The following ARHGAP28 variants were observed in gnomAD, a reference collection of about 807,000 sequenced individuals.
ARHGAP28 encodes Rho GTPase activating protein 28, also known as rho GTPase-activating protein 28.
In ARHGAP28, 56 loss-of-function variants were observed where a neutral mutation model predicts 90.7. The observed-to-expected ratio is 0.62, with a 90% CI of 0.50 to 0.77. ARHGAP28 has a LOEUF of 0.77. Ranked by LOEUF, ARHGAP28 falls within the 30% of genes least tolerant of loss-of-function variation. The pLI is 0.00. For synonymous variants in ARHGAP28, 308 were observed against 323.3 expected (o/e 0.95, Z 0.51); for missense variants, 869 against 900.9 (o/e 0.96, Z 0.45).
chr18:6,801,549 T>A (rs1211205955), intron 1 of ARHGAP28, among the ~76,000 whole-genome samples: 3 of 152,160 alleles, frequency 2.0e-5, no homozygotes, highest in Non-Finnish European at 4.4e-5. Flanking sequence ...CTGCTAGGAT[T>A]TTGGTAGGGA....
intron 4 of ARHGAP28, among the ~76,000 whole-genome samples, chr18:6,852,607 G>C (rs1056921997): frequency 6.6e-6 from 1 of 152,038 alleles, no homozygotes; most frequent in African/African-American, 2.4e-5. Flanking sequence ...ACCAAGGCTT[G>C]TACAACTGCA....
chr18:6,866,701 A>G (rs2057040691), intron 5 of ARHGAP28, among the ~76,000 whole-genome samples: 1 of 152,232 alleles, frequency 6.6e-6, no homozygotes, highest in Non-Finnish European at 1.5e-5. Flanking sequence ...TTCCCCCAAG[A>G]AAGTCCCATA....
chr18:6,894,737 C>A, intron 14 of ARHGAP28, 98 bp from the exon 15 acceptor site: 1 of 952,120 alleles, frequency 1.1e-6, no homozygotes, highest in Non-Finnish European at 1.6e-6. Flanking sequence ...ATAAATATTG[C>A]CAAAATGTTC....
At chr18:6,746,567 C>T (rs1032080229) in intron 1 of ARHGAP28, among the ~76,000 whole-genome samples, 2 of 152,142 alleles carry the variant, frequency 1.3e-5, no homozygotes, top group African/African-American at 2.4e-5. Flanking sequence ...ATTAGTTTTC[C>T]AGAATACAGA....
intron 3 of ARHGAP28, among the ~76,000 whole-genome samples, chr18:6,847,916 G>C (rs1372258678): frequency 6.6e-6 from 1 of 152,120 alleles, no homozygotes; most frequent in African/African-American, 2.4e-5. Flanking sequence ...GCAAGCTTCC[G>C]AGAGTCCTCT....
At chr18:6,752,598 A>G (rs898385007) in intron 1 of ARHGAP28, among the ~76,000 whole-genome samples, 26 of 152,308 alleles carry the variant, frequency 1.7e-4, no homozygotes, top group Non-Finnish European at 1.2e-4. Context: ...CAGCAAAACC[A>G]CGAAGTGCTA....
intron 1 of ARHGAP28, among the ~76,000 whole-genome samples, chr18:6,747,944 G>C (rs1416831523): frequency 6.6e-6 from 1 of 152,164 alleles, no homozygotes; most frequent in Non-Finnish European, 1.5e-5. Context: ...GAGGGGGAAG[G>C]CTTTAACTCG....
At chr18:6,825,129 A>G (rs891854704) in intron 2 of ARHGAP28, among the ~76,000 whole-genome samples, 165 bp downstream of exon 2, 1 of 152,144 alleles carries the variant, frequency 6.6e-6, no homozygotes, top group African/African-American at 2.4e-5. Flanking sequence ...TATCTACTGT[A>G]CTGGCTCAGG....
rs1448021636 is a variant in ARHGAP28 at position 6,912,738 on chromosome 18, A to G, written c.*584A>G. The G allele has an allele frequency of 6.6e-6, 1 of 152,236 alleles. No homozygotes were observed. Among genetic ancestry groups the G allele is most frequent in the Non-Finnish European group, 1.5e-5 (1 of 68,046 alleles). 9.4% of individuals were successfully genotyped at this position (152,236 alleles called of 1,614,324 possible). On this transcript the variant is annotated 3_prime_UTR_variant, in exon 18 of 18. Coordinates refer to ENST00000383472, the MANE Select transcript of ARHGAP28 (RefSeq NM_001366230.1). Reference sequence around the variant, plus strand: ...TCTGTTTACAGAAAACTGTATTGTTATATATGTCAGGCTGTGTATTGTGAC... The same window carrying G: ...TCTGTTTACAGAAAACTGTATTGTTGTATATGTCAGGCTGTGTATTGTGAC...
chr18:6,824,106 A>G lies in ARHGAP28; in HGVS notation c.123-656A>G, dbSNP rs1193314093. ...TCTTATGTCCTTCTCTGCCATCACCATAGATAGGTTACAGAAACAAACTTT... is the reference window on the plus strand; with the variant it reads ...TCTTATGTCCTTCTCTGCCATCACCGTAGATAGGTTACAGAAACAAACTTT... On this transcript the variant is annotated intron_variant, in intron 1 of 17. Coordinates refer to ENST00000383472, the MANE Select transcript of ARHGAP28 (RefSeq NM_001366230.1). 3.3e-5 allele frequency among the ~76,000 whole-genome samples: 5 copies of G among 152,184 alleles called. No homozygotes were observed. The East Asian group carries it at 9.6e-4, about 29-fold the overall frequency.
At chr18:6,842,617 C>T (rs1319053901) in intron 3 of ARHGAP28, among the ~76,000 whole-genome samples, 2 of 152,090 alleles carry the variant, frequency 1.3e-5, no homozygotes, top group African/African-American at 4.8e-5. Flanking sequence ...TGTCGTTGCT[C>T]TGTTGACTTT....
intron 1 of ARHGAP28, among the ~76,000 whole-genome samples, chr18:6,741,810 A>G (rs1243666357): frequency 6.6e-6 from 1 of 152,204 alleles, no homozygotes. Flanking sequence ...AGTTTGGCTC[A>G]TTAGTATTTT....
At chr18:6,830,369 G>T (rs1427712392) in intron 2 of ARHGAP28, among the ~76,000 whole-genome samples, 1 of 151,814 alleles carries the variant, frequency 6.6e-6, no homozygotes, top group African/African-American at 2.4e-5. Context: ...GGGTACACGT[G>T]CAGAACGTGC....
chr18:6,849,761 C>T (rs1397850784), intron 3 of ARHGAP28, among the ~76,000 whole-genome samples: 3 of 152,086 alleles, frequency 2.0e-5, no homozygotes, highest in Non-Finnish European at 4.4e-5. Flanking sequence ...TTTTATATTT[C>T]TGGAAACCTT....
intron 2 of ARHGAP28, 117 bp downstream of exon 2, chr18:6,825,081 T>TTCTGATTCTACTGGTTCACCAATGA: frequency 1.0e-6 from 1 of 978,140 alleles, no homozygotes; most frequent in Non-Finnish European, 1.5e-6. Flanking sequence ...ATCAGTAGAA[T>TTCTGATTCTACTGGTTCACCAATGA]CTGGCATATT....
At position 6,841,192 on chromosome 18, in the gene ARHGAP28, T is replaced by TC. The variant is rs1279304898; in HGVS notation, c.543+3779dup. ...CCTCTCTCTCTCTCCTCTCTCTCTCTCTCTCTCTCTCCTCTCCTCTCTCTC... is the reference window on the plus strand; with the variant it reads ...CCTCTCTCTCTCTCCTCTCTCTCTCTCCTCTCTCTCTCCTCTCCTCTCTCTC... On this transcript the variant is annotated intron_variant, in intron 3 of 17. Coordinates refer to ENST00000383472, the MANE Select transcript of ARHGAP28 (RefSeq NM_001366230.1). Among the ~76,000 whole-genome samples, 449 of 66,266 alleles carry TC rather than the reference T, an allele frequency of 6.8e-3. 5 individuals are homozygous for TC. Among genetic ancestry groups the TC allele is most frequent in the South Asian group, 9.1e-3 (13 of 1,432 alleles). The allele number at this position is 66,266 out of a possible 152,430, so 43.5% of individuals were successfully genotyped here.
chr18:6,800,022 A>G (rs536780751), intron 1 of ARHGAP28, among the ~76,000 whole-genome samples: 20 of 152,290 alleles, frequency 1.3e-4, no homozygotes, highest in African/African-American at 3.8e-4. Flanking sequence ...TACAAGAAAA[A>G]GAACAACCCC....
At position 6,846,810 on chromosome 18, in the gene ARHGAP28, C is replaced by T. The variant is rs180978669; in HGVS notation, c.544-4224C>T. On this transcript the variant is annotated intron_variant, in intron 3 of 17. Transcript: ENST00000383472. ...TATTTTGGTTGTCTTCTCTTTACCC[C>T]GTTGGTGAGGGAAAGCTCTCCACCC... 1.6e-3 allele frequency among the ~76,000 whole-genome samples: 249 copies of T among 152,264 alleles called. 1 individual carries two copies. The highest frequency in any genetic ancestry group is 0.015 in the Admixed American group (225 of 15,292).
At chr18:6,799,269 C>G (rs1200237684) in intron 1 of ARHGAP28, among the ~76,000 whole-genome samples, 1 of 152,146 alleles carries the variant, frequency 6.6e-6, no homozygotes, top group African/African-American at 2.4e-5. Flanking sequence ...ATTCCATGCT[C>G]TTAGATAGGA....
Sources: gnomAD v4.1 joint callset for allele counts (sites outside exome capture counted in the v4.1 genomes callset) on GRCh38, gnomAD v4.1.1 for gene constraint, MANE v1.5 for transcripts, NCBI Gene and HGNC (gene_info 2026-07-23, HGNC 2026-07-21) for gene names.